Variants in SNTB1 observed in about 807,000 individuals in gnomAD.
The protein encoded by SNTB1 is beta-1-syntrophin.
Under a neutral mutation model 48.9 loss-of-function variants are expected in SNTB1, and 36 were observed. That is an observed-to-expected ratio of 0.74 (90% confidence interval 0.56 to 0.97). SNTB1 has a LOEUF of 0.97. Among genes scored for constraint, SNTB1 ranks in the 50% least tolerant of loss-of-function variants. SNTB1 has a pLI of 0.00. For synonymous variants in SNTB1, 299 were observed against 294.6 expected (o/e 1.01, Z -0.15); for missense variants, 786 against 703.4 (o/e 1.12, Z -1.33).
At chr8:120,609,722 T>C (rs912718645) in intron 3 of SNTB1, among the ~76,000 whole-genome samples, 15 of 152,200 alleles carry the variant, frequency 9.9e-5, no homozygotes, top group African/African-American at 3.4e-4. Context: ...AAACAAACTG[T>C]GTCAAACCTC....
intron 1 of SNTB1, among the ~76,000 whole-genome samples, chr8:120,738,308 A>G (rs1211750151): frequency 1.3e-5 from 2 of 152,158 alleles, no homozygotes; most frequent in African/African-American, 2.4e-5. Flanking sequence ...TGAACAGATG[A>G]AGACATCAAC....
chr8:120,647,551 T>G (rs1179876183), intron 2 of SNTB1, among the ~76,000 whole-genome samples: 1 of 149,628 alleles, frequency 6.7e-6, no homozygotes, highest in African/African-American at 2.5e-5. Context: ...TAATTTCTGT[T>G]CTTTTAAATT....
intron 3 of SNTB1, among the ~76,000 whole-genome samples, chr8:120,584,326 C>T (rs933878880): frequency 6.0e-5 from 9 of 149,366 alleles, no homozygotes; most frequent in Non-Finnish European, 1.3e-4. Flanking sequence ...CCTGTAGTCC[C>T]AACTACTTGG....
intron 4 of SNTB1, among the ~76,000 whole-genome samples, chr8:120,567,414 T>G (rs1334115022): frequency 1.1e-5 from 1 of 88,790 alleles, no homozygotes; most frequent in African/African-American, 4.1e-5. Context: ...AGGGTTGAGC[T>G]CCTTTTTTTT....
intron 2 of SNTB1, among the ~76,000 whole-genome samples, chr8:120,641,879 T>C (rs1817202427): frequency 6.6e-6 from 1 of 152,224 alleles, no homozygotes; most frequent in Admixed American, 6.5e-5. Context: ...TGAATTTTTG[T>C]TTGCTTTCAT....
chr8:120,782,424 T>TA (rs1192452996), intron 1 of SNTB1, among the ~76,000 whole-genome samples: 1 of 152,032 alleles, frequency 6.6e-6, no homozygotes, highest in African/African-American at 2.4e-5. Flanking sequence ...AACCTTTTTT[T>TA]AAAAAAAGTT....
intron 1 of SNTB1, among the ~76,000 whole-genome samples, chr8:120,708,974 C>T (rs7834071): frequency 0.13 from 19,596 of 152,022 alleles, 2,678 homozygotes; most frequent in African/African-American, 0.35. Flanking sequence ...AAGTCCTAAG[C>T]TGTGCTAAAT....
Position 120,811,600 on chromosome 8 carries a change from C to T in SNTB1, c.244G>A (p.Ala82Thr). The part of the protein sequence containing the change: ...AGAGHPGAGG[A>T]QPPDSPAGVR... ...CCGGCGGGCGAGTCCGGGGGCTGCG[C>T]GCCGCCCGCGCCCGGGTGCCCAGCC... Residue 82 changes from alanine to threonine, a missense_variant, in exon 1 of 7, where the codon GCG becomes ACG. By Grantham distance (58) the Ala-to-Thr change is moderately conservative (BLOSUM62 0). Transcript: ENST00000517992. The T allele has an allele frequency of 6.4e-7, 1 of 1,570,650 alleles. No homozygotes were observed. Among genetic ancestry groups the T allele is most frequent in the Non-Finnish European group, 8.6e-7 (1 of 1,162,186 alleles).
At chr8:120,734,270 T>G (rs35216013) in intron 1 of SNTB1, among the ~76,000 whole-genome samples, 2 of 151,576 alleles carry the variant, frequency 1.3e-5, no homozygotes, top group Non-Finnish European at 2.9e-5. Context: ...ATGGTGAAAA[T>G]CTGTCTCTAC....
chr8:120,639,453 C>T (rs1305748153), intron 2 of SNTB1, among the ~76,000 whole-genome samples: 4 of 151,214 alleles, frequency 2.6e-5, no homozygotes, highest in Non-Finnish European at 4.4e-5. Flanking sequence ...TAGACATGAA[C>T]ATGCCTGTGT....
intron 1 of SNTB1, among the ~76,000 whole-genome samples, chr8:120,777,416 G>T (rs986759814): frequency 2.0e-5 from 3 of 152,236 alleles, no homozygotes; most frequent in Admixed American, 6.5e-5. Context: ...CTATAGAGAG[G>T]AGAGCCACCT....
chr8:120,576,859 C>T (rs979063061), intron 3 of SNTB1, among the ~76,000 whole-genome samples: 1 of 152,084 alleles, frequency 6.6e-6, no homozygotes, highest in Non-Finnish European at 1.5e-5. Flanking sequence ...GAATAAGCAT[C>T]ATGTAAGTAC....
chr8:120,693,928 A>G lies in SNTB1; in HGVS notation c.572-20T>C, dbSNP rs759283292. 8 of 1,584,152 alleles carry G rather than the reference A, an allele frequency of 5.1e-6. 1 individual carries two copies. The Middle Eastern group carries it at 5.0e-4, about 99-fold the overall frequency. On this transcript the variant is annotated intron_variant, in intron 1 of 6. Coordinates refer to ENST00000517992, the MANE Select transcript of SNTB1 (RefSeq NM_021021.4). The stretch of plus-strand genomic sequence containing the variant: ...ACTTCACTGCAAGGAAAAAGACAAC[A>G]AGTGCTTTTAATACATCACGGCTGA...
At chr8:120,620,665 C>T (rs1816779902) in intron 3 of SNTB1, among the ~76,000 whole-genome samples, 1 of 150,044 alleles carries the variant, frequency 6.7e-6, no homozygotes, top group African/African-American at 2.5e-5. Context: ...CCCACCCCCA[C>T]ACACACCAGG....
At chr8:120,673,539 C>T (rs111263709) in intron 2 of SNTB1, among the ~76,000 whole-genome samples, 40 of 152,264 alleles carry the variant, frequency 2.6e-4, no homozygotes, top group African/African-American at 8.4e-4. Context: ...GATCTGCCCA[C>T]CTCAGCTTCC....
At chr8:120,778,855 T>G (rs1450997568) in intron 1 of SNTB1, among the ~76,000 whole-genome samples, 1 of 152,202 alleles carries the variant, frequency 6.6e-6, no homozygotes, top group Non-Finnish European at 1.5e-5. Flanking sequence ...AACAATGACA[T>G]ATTGAATAGG....
intron 1 of SNTB1, among the ~76,000 whole-genome samples, chr8:120,786,541 G>C (rs1403588748): frequency 6.6e-6 from 1 of 152,164 alleles, no homozygotes; most frequent in Non-Finnish European, 1.5e-5. Context: ...GAACACTTCA[G>C]GGTGACTGCA....
intron 1 of SNTB1, among the ~76,000 whole-genome samples, chr8:120,732,245 C>T (rs1374653803): frequency 6.6e-6 from 1 of 152,158 alleles, no homozygotes; most frequent in African/African-American, 2.4e-5. Flanking sequence ...TAACTCGACT[C>T]ATTTCTGCAA....
intron 1 of SNTB1, chr8:120,768,978 AGTGGGTGCCTTAAAAGAAC>A: frequency 6.6e-6 from 1 of 152,332 alleles, no homozygotes; most frequent in African/African-American, 2.4e-5. Flanking sequence ...GCACACTACC[AGTGGGTGCCTTAAAAGAAC>A]GACAGACTCC....
Sources: gnomAD v4.1 joint callset for allele counts (sites outside exome capture counted in the v4.1 genomes callset) on GRCh38, gnomAD v4.1.1 for gene constraint, MANE v1.5 for transcripts, NCBI Gene and HGNC (gene_info 2026-07-23, HGNC 2026-07-21) for gene names.